The following CCSER1 variants were observed in gnomAD, a reference collection of about 807,000 sequenced individuals.
CCSER1 encodes coiled-coil serine rich protein 1.
A neutral mutation model predicts 82.0 loss-of-function variants in CCSER1; 41 were observed. The ratio of observed to expected loss-of-function variants is 0.50; its 90% CI spans 0.39 to 0.65. The LOEUF (loss-of-function observed/expected upper bound fraction) is 0.65, where lower values mean the gene tolerates loss of function less well. CCSER1 is among the 30% of genes least tolerant of loss of function. The pLI, the probability that CCSER1 is intolerant of heterozygous loss-of-function variation, is 0.00. For missense variants in CCSER1, 1,119 were observed against 1,064.2 expected (o/e 1.05, Z -0.72); for synonymous variants, 414 against 383.9 (o/e 1.08, Z -0.92).
intron 4 of CCSER1, among the ~76,000 whole-genome samples, chr4:90,414,564 A>G (rs914140642): frequency 2.0e-5 from 3 of 152,166 alleles, no homozygotes; most frequent in Non-Finnish European, 2.9e-5. Context: ...ACTAAAAAGT[A>G]TATTAGTGAC....
chr4:90,735,253 A>G (rs1235979055), intron 7 of CCSER1, among the ~76,000 whole-genome samples: 1 of 152,096 alleles, frequency 6.6e-6, no homozygotes, highest in African/African-American at 2.4e-5. Flanking sequence ...ATTTGCATCA[A>G]TGTTCATGAG....
intron 7 of CCSER1, among the ~76,000 whole-genome samples, chr4:90,730,186 A>G (rs1187280708): frequency 6.6e-6 from 1 of 152,154 alleles, no homozygotes; most frequent in Non-Finnish European, 1.5e-5. Flanking sequence ...ACATTTGGAA[A>G]CTCTGAAAGA....
At chr4:91,495,896 G>C (rs1758778334) in intron 10 of CCSER1, among the ~76,000 whole-genome samples, 1 of 151,436 alleles carries the variant, frequency 6.6e-6, no homozygotes, top group Non-Finnish European at 1.5e-5. Flanking sequence ...AATACTTTAG[G>C]TTTATGCATG....
chr4:90,509,806 A>G (rs1434262416), intron 5 of CCSER1, among the ~76,000 whole-genome samples: 2 of 152,156 alleles, frequency 1.3e-5, no homozygotes, highest in Non-Finnish European at 2.9e-5. Flanking sequence ...GTGGGCTAGC[A>G]CATTGATTAG....
intron 7 of CCSER1, among the ~76,000 whole-genome samples, chr4:90,771,224 C>T (rs1389117717): frequency 1.3e-5 from 2 of 151,730 alleles, no homozygotes; most frequent in South Asian, 2.1e-4. Context: ...ATGAAATATC[C>T]CTTCATTCGA....
At chr4:90,357,913 A>G (rs1744646004) in intron 3 of CCSER1, among the ~76,000 whole-genome samples, 1 of 152,040 alleles carries the variant, frequency 6.6e-6, no homozygotes, top group Admixed American at 6.6e-5. Flanking sequence ...TATTCAAAAT[A>G]TTATAGTCAG....
At chr4:90,141,299 A>G (rs1304576539) in intron 1 of CCSER1, among the ~76,000 whole-genome samples, 1 of 152,184 alleles carries the variant, frequency 6.6e-6, no homozygotes, top group Non-Finnish European at 1.5e-5. Context: ...TGTACATATT[A>G]ATCACATCTA....
chr4:90,949,783 C>A (rs548328566), intron 9 of CCSER1, among the ~76,000 whole-genome samples: 119 of 152,148 alleles, frequency 7.8e-4, no homozygotes, highest in Admixed American at 1.7e-3. Context: ...AAGTAGCAGA[C>A]TCTAGAATTA....
intron 5 of CCSER1, among the ~76,000 whole-genome samples, chr4:90,519,778 C>G (rs1003498774): frequency 6.6e-6 from 1 of 151,984 alleles, no homozygotes; most frequent in Admixed American, 6.6e-5. Flanking sequence ...TGGACTAATA[C>G]TTTGGAAGCA....
intron 1 of CCSER1, among the ~76,000 whole-genome samples, chr4:90,134,794 A>G (rs1723383008): frequency 6.6e-6 from 1 of 152,206 alleles, no homozygotes; most frequent in African/African-American, 2.4e-5. Flanking sequence ...CAGTTCATCT[A>G]TTTAACTGTG....
intron 10 of CCSER1, among the ~76,000 whole-genome samples, chr4:91,534,191 A>G (rs1461814906): frequency 6.6e-6 from 1 of 151,974 alleles, no homozygotes; most frequent in Non-Finnish European, 1.5e-5. Context: ...CTATTGGCCT[A>G]TTTATACCTT....
chr4:91,289,968 T>G (rs146270262), intron 10 of CCSER1, among the ~76,000 whole-genome samples: 2 of 152,016 alleles, frequency 1.3e-5, no homozygotes, highest in East Asian at 3.9e-4. Context: ...CTGAAGGTAA[T>G]CTGAAGAGGG....
chr4:90,327,567 C>T (rs547179412), intron 3 of CCSER1, among the ~76,000 whole-genome samples: 1 of 152,326 alleles, frequency 6.6e-6, no homozygotes, highest in Non-Finnish European at 1.5e-5. Flanking sequence ...ACAGTCGTGA[C>T]ACTTGCCATA....
intron 9 of CCSER1, among the ~76,000 whole-genome samples, chr4:91,021,500 T>C (rs937089244): frequency 6.6e-6 from 1 of 152,208 alleles, no homozygotes; most frequent in Admixed American, 6.5e-5. Context: ...AAATTTGCAA[T>C]CTAATCTTCA....
At chr4:91,133,673 A>G (rs1728201217) in intron 10 of CCSER1, among the ~76,000 whole-genome samples, 1 of 152,216 alleles carries the variant, frequency 6.6e-6, no homozygotes, top group Admixed American at 6.5e-5. Flanking sequence ...ATCATCCCAG[A>G]AACAGTGATT....
intron 5 of CCSER1, among the ~76,000 whole-genome samples, chr4:90,572,667 G>C (rs1219493268): frequency 6.6e-6 from 1 of 151,408 alleles, no homozygotes; most frequent in Non-Finnish European, 1.5e-5. Context: ...TCTTCTCTGG[G>C]ATTTCTGTTT....
At chr4:91,467,710 T>A (rs1757004998) in intron 10 of CCSER1, among the ~76,000 whole-genome samples, 1 of 152,132 alleles carries the variant, frequency 6.6e-6, no homozygotes, top group African/African-American at 2.4e-5. Flanking sequence ...CAGACACTTC[T>A]CAAAAGAAGA....
intron 1 of CCSER1, among the ~76,000 whole-genome samples, chr4:90,141,020 A>ATATCTGTCTATCTATCTATC (rs1553937164): frequency 3.4e-5 from 5 of 145,984 alleles, no homozygotes; most frequent in Admixed American, 1.4e-4. Flanking sequence ...ACCCAGCAAG[A>ATATCTGTCTATCTATCTATC]TATCTATCTA....
chr4:90,526,726 G>A lies in CCSER1; in HGVS notation c.1724+58372G>A, dbSNP rs147936559. Reference sequence around the variant, plus strand: ...TCATCATTTTTTATGGCTGCATAGTGTTCCATGGTGTATATGTGCCACATT... The same window carrying A: ...TCATCATTTTTTATGGCTGCATAGTATTCCATGGTGTATATGTGCCACATT... On this transcript the variant is annotated intron_variant, in intron 5 of 10. Transcript: ENST00000509176. 6.6e-3 allele frequency among the ~76,000 whole-genome samples: 1,006 copies of A among 152,176 alleles called. 6 individuals carry two copies. The highest frequency in any genetic ancestry group is 0.016 in the African/African-American group (677 of 41,530).
Sources: allele counts gnomAD v4.1 joint callset (sites outside exome capture counted in the v4.1 genomes callset), GRCh38; gene constraint gnomAD v4.1.1; transcripts MANE v1.5; gene names NCBI Gene and HGNC (gene_info 2026-07-23, HGNC 2026-07-21).